The following HSPG2 variants were observed in gnomAD, a reference collection of about 807,000 sequenced individuals.
HSPG2 encodes the protein heparan sulfate proteoglycan 2.
HSPG2 carries 278 observed loss-of-function variants against 526.6 expected under a neutral mutation model. That is an observed-to-expected ratio of 0.53 (90% CI 0.48 to 0.58). The LOEUF is 0.58. Among genes scored for constraint, HSPG2 ranks in the 20% least tolerant of loss-of-function variants. The probability of loss-of-function intolerance (pLI) is 0.00; values close to 1 mark genes in which losing one functional copy is unlikely to be tolerated. For missense variants in HSPG2, 5,354 were observed against 6,099.5 expected (o/e 0.88, Z 4.07); for synonymous variants, 2,465 against 2,555.4 (o/e 0.96, Z 1.07).
intron 1 of HSPG2, among the ~76,000 whole-genome samples, chr1:21,934,262 C>G (rs985436222): frequency 1.3e-5 from 2 of 152,240 alleles, no homozygotes; most frequent in African/African-American, 4.8e-5. Context: ...TGGCTCCGGA[C>G]CAAACTGAAG....
rs555424833 is a variant in HSPG2 at position 21,855,926 on chromosome 1, A to G, written c.5576-14T>C. On this transcript the variant is annotated splice_polypyrimidine_tract_variant and intron_variant, in intron 44 of 96. Coordinates refer to ENST00000374695, the MANE Select transcript of HSPG2 (RefSeq NM_005529.7). ...AGGTGCCCGAGGCTGACAAGGGAGG[A>G]AAAGGAACATGCACTCAGGGTGGGG... 1 of 1,606,116 alleles carries G rather than the reference A, an allele frequency of 6.2e-7. No homozygotes were observed. Among genetic ancestry groups the G allele is most frequent in the African/African-American group, 1.3e-5 (1 of 75,034 alleles).
chr1:21,824,053 G>T lies in HSPG2; in HGVS notation c.12899+68C>A. 2 of 1,412,254 alleles carry T rather than the reference G, an allele frequency of 1.4e-6. No individual in the cohort carries two copies. The highest frequency in any genetic ancestry group is 2.0e-6 in the Non-Finnish European group (2 of 1,013,008). The allele number at this position is 1,412,254 out of a possible 1,614,324, so 87.5% of individuals were successfully genotyped here. Reference sequence around the variant, plus strand: ...GCTCAATACCTGCCTCTCTGCCCATGGTAGGGGGCGTCCTGCCCCACTCCA... The same window carrying T: ...GCTCAATACCTGCCTCTCTGCCCATTGTAGGGGGCGTCCTGCCCCACTCCA... On this transcript the variant is annotated intron_variant, in intron 95 of 96. Coordinates refer to ENST00000374695, the MANE Select transcript of HSPG2 (RefSeq NM_005529.7). This position sits in a 1 kb window ranked among gnomAD's most constrained non-coding sequence, Gnocchi z 5.9.
At position 21,824,239 on chromosome 1, in the gene HSPG2, G is replaced by A. The variant is rs1264149746; in HGVS notation, c.12816-35C>T. 6.2e-7 allele frequency: 1 copy of A among 1,613,316 alleles called. No homozygotes were observed. Among genetic ancestry groups the A allele is most frequent in the Non-Finnish European group, 8.5e-7 (1 of 1,179,654 alleles). On this transcript the variant is annotated intron_variant, in intron 94 of 96. Transcript: ENST00000374695. The surrounding 1 kb of genome is among the most constrained non-coding windows in gnomAD (Gnocchi z 5.9). ...TCCAGGCCCAAGAAGTATGAGCTGGGGCAGGACCGGGGGGTGGGGTGCTGG... is the reference window on the plus strand; with the variant it reads ...TCCAGGCCCAAGAAGTATGAGCTGGAGCAGGACCGGGGGGTGGGGTGCTGG...
chr1:21,937,202 C>G lies in HSPG2; in HGVS notation c.16G>C (p.Ala6Pro). ...AGCAGCGCCAGCAGCAGCGCGCCCG[C>G]CGCCCGCCACCCCATGGCCCGGCCC... MGWRA[A>P]GALLLALLLH... Residue 6 changes from alanine to proline, a missense_variant, in exon 1 of 97, where the codon GCG (alanine) becomes CCG (proline). By Grantham distance (27) the Ala-to-Pro change is conservative. Coordinates refer to ENST00000374695, the MANE Select transcript of HSPG2 (RefSeq NM_005529.7). 3.7e-6 allele frequency: 4 copies of G among 1,079,034 alleles called. No individual in the cohort carries two copies. Among genetic ancestry groups the G allele is most frequent in the Non-Finnish European group, 3.4e-6 (3 of 879,968 alleles). 66.8% of individuals were successfully genotyped at this position (1,079,034 alleles called of 1,614,324 possible).
At chr1:21,826,484 G>A (rs146237091) in intron 91 of HSPG2, among the ~76,000 whole-genome samples, 124 of 152,126 alleles carry the variant, frequency 8.2e-4, no homozygotes, top group African/African-American at 2.9e-3. Flanking sequence ...GATTATAGGC[G>A]TGAGTCACCA....
chr1:21,903,543 T>C lies in HSPG2; in HGVS notation c.64-7233A>G, dbSNP rs368636079. Among the ~76,000 whole-genome samples, 423 of 152,136 alleles carry C rather than the reference T, an allele frequency of 2.8e-3. 2 individuals carry two copies. The highest frequency in any genetic ancestry group is 9.9e-3 in the African/African-American group (411 of 41,506). ...TTAACCCAGGAGGCAGAGGTTGCAG[T>C]GAGCCAAGATTGCGCCACTGCACTC... On this transcript the variant is annotated intron_variant, in intron 1 of 96. Transcript: ENST00000374695.
In HSPG2 at chr1:21,880,199, G is replaced by C. The variant is rs192500073; in HGVS notation, c.2251C>G (p.Arg751Gly). The change falls in exon 17 of 97, where the codon CGG becomes GGG. Residue 751 changes from arginine (R) to glycine (G), a missense_variant. By Grantham distance (125) the Arg-to-Gly change is moderately radical. Coordinates refer to ENST00000374695, the MANE Select transcript of HSPG2 (RefSeq NM_005529.7). ...SCESCDAHFT[R>G]VPGGPYLGTC... ...CCCAGGTAGGGCCCACCAGGCACCC[G>C]AGTGAAGTGGGCATCACAGCTCTCG... is the stretch of plus-strand genomic sequence containing the variant. The C allele has an allele frequency of 5.0e-6, 8 of 1,614,036 alleles. No homozygotes were observed. The Admixed American group carries it at 5.0e-5, about 10-fold the overall frequency.
chr1:21,851,391 T>C (rs978918313), intron 55 of HSPG2, 155 bp downstream of exon 55: 2 of 1,074,174 alleles, frequency 1.9e-6, no homozygotes, highest in Admixed American at 4.2e-5. Context: ...GGTTAGTCAG[T>C]CCTAGATTCT....
At position 21,874,498 on chromosome 1, in the gene HSPG2, C is replaced by A. The variant is rs1414392496; in HGVS notation, c.3564G>T (p.Glu1188Asp). ...CQHHTEGPRC[E>D]QCQPGYYGDA... Reference sequence around the variant, plus strand: ...CCCCGTAGTATCCTGGCTGGCACTGCTCACACCGAGGGCCCTCCGTGTGAT... The same window carrying A: ...CCCCGTAGTATCCTGGCTGGCACTGATCACACCGAGGGCCCTCCGTGTGAT... The change falls in exon 28 of 97, where the codon GAG becomes GAT. Residue 1188 changes from glutamate (E) to aspartate (D), a missense_variant. Coordinates refer to ENST00000374695, the MANE Select transcript of HSPG2 (RefSeq NM_005529.7). The A allele has an allele frequency of 6.2e-7, 1 of 1,613,250 alleles. No homozygotes were observed. Among genetic ancestry groups the A allele is most frequent in the East Asian group, 2.2e-5 (1 of 44,884 alleles).
chr1:21,851,439 G>A, intron 55 of HSPG2, 107 bp downstream of exon 55: 2 of 1,534,852 alleles, frequency 1.3e-6, no homozygotes, highest in South Asian at 1.1e-5. Context: ...GTGCAATGGG[G>A]TCCAGGGCTT....
chr1:21,841,084 G>A lies in HSPG2; in HGVS notation c.9513+17C>T. On this transcript the variant is annotated intron_variant, in intron 71 of 96. Coordinates refer to ENST00000374695, the MANE Select transcript of HSPG2 (RefSeq NM_005529.7). ...ATGGACTGGGCCTCAGACCCAGAGAGGCAGCCCCGGCTTCACCTGCAGCAC... is the reference window on the plus strand; with the variant it reads ...ATGGACTGGGCCTCAGACCCAGAGAAGCAGCCCCGGCTTCACCTGCAGCAC... 1 of 1,581,514 alleles carries A rather than the reference G, an allele frequency of 6.3e-7. No homozygotes were observed. Among genetic ancestry groups the A allele is most frequent in the Non-Finnish European group, 8.6e-7 (1 of 1,164,872 alleles).
intron 33 of HSPG2, among the ~76,000 whole-genome samples, chr1:21,869,856 C>T (rs1468108241): frequency 2.0e-5 from 3 of 152,194 alleles, no homozygotes; most frequent in South Asian, 2.1e-4. Flanking sequence ...GGGGATATCC[C>T]GGGATGGGTT....
intron 33 of HSPG2, among the ~76,000 whole-genome samples, chr1:21,866,168 C>T (rs569755244): frequency 1.8e-4 from 28 of 152,326 alleles, no homozygotes; most frequent in African/African-American, 4.8e-4. Flanking sequence ...GGGGAGGCTG[C>T]GGAAGCTTCA....
At position 21,839,053 on chromosome 1, in the gene HSPG2, C is replaced by A. The variant is rs553902574; in HGVS notation, c.9922G>T (p.Ala3308Ser). ...PPYATTVPEH[A>S]SVQAGETVQL... ...ACCGTCTCCCCTGCCTGCACCGAAGCGTGCTCTGGGACCGTGGTGGCATAT... is the reference window on the plus strand; with the variant it reads ...ACCGTCTCCCCTGCCTGCACCGAAGAGTGCTCTGGGACCGTGGTGGCATAT... Residue 3308 changes from alanine to serine, a missense_variant, in exon 74 of 97, where the codon GCT (alanine) becomes TCT (serine). By Grantham distance (99) the Ala-to-Ser change is moderately conservative. Transcript: ENST00000374695. The surrounding 1 kb of genome is among the most constrained non-coding windows in gnomAD (Gnocchi z 4.5). 7 of 1,593,300 alleles carry A rather than the reference C, an allele frequency of 4.4e-6. No homozygotes were observed. In the East Asian group the frequency reaches 9.0e-5, roughly 21 times the overall value.
intron 1 of HSPG2, among the ~76,000 whole-genome samples, chr1:21,934,753 G>T (rs1644439944): frequency 2.7e-5 from 4 of 150,736 alleles, no homozygotes; most frequent in Non-Finnish European, 4.4e-5. Flanking sequence ...GTGCCACCAT[G>T]CCTGGCTAAC....
At chr1:21,917,437 G>GTAAGTAAATAAA (rs1252977386) in intron 1 of HSPG2, among the ~76,000 whole-genome samples, 2 of 141,230 alleles carry the variant, frequency 1.4e-5, no homozygotes, top group Non-Finnish European at 3.1e-5. Flanking sequence ...TGTCTCAAAA[G>GTAAGTAAATAAA]TAAATAAATA....
chr1:21,855,535 G>C lies in HSPG2; in HGVS notation c.5842C>G (p.Leu1948Val). The change falls in exon 46 of 97, where the codon CTC (leucine) becomes GTC (valine). Residue 1948 changes from leucine to valine, a missense_variant. By Grantham distance (32) the Leu-to-Val change is conservative. Transcript: ENST00000374695. ...CCCGGCCTCTCACCATGCACGTGGA[G>C]CACAGCCCTGGCCACCTGCTGCCCA... The part of the protein sequence containing the change: ...SAGQQVARAV[L>V]HVHGGGGPRV... The C allele has an allele frequency of 6.2e-7, 1 of 1,607,762 alleles. No individual in the cohort carries two copies. Among genetic ancestry groups the C allele is most frequent in the Non-Finnish European group, 8.5e-7 (1 of 1,178,166 alleles).
chr1:21,829,655 TG>T, intron 86 of HSPG2, 51 bp from the exon 87 acceptor site: 2 of 1,481,462 alleles, frequency 1.4e-6, no homozygotes, highest in East Asian at 2.3e-5. Context: ...GACCCTCGGG[TG>T]GGGTCCAGCT....
chr1:21,889,954 C>T (rs755623142), intron 6 of HSPG2, 27 bp downstream of exon 6: 85 of 1,613,564 alleles, frequency 5.3e-5, no homozygotes, highest in East Asian at 6.7e-5. Flanking sequence ...CTGGAGGAGG[C>T]GATCCCAGAC....
Sources: gnomAD v4.1 joint callset for allele counts (sites outside exome capture counted in the v4.1 genomes callset) on GRCh38, gnomAD v4.1.1 for gene constraint, Gnocchi (gnomAD v3.1) non-coding constraint, MANE v1.5 for transcripts, NCBI Gene and HGNC (gene_info 2026-07-23, HGNC 2026-07-21) for gene names.